Variants in SNX31 observed in about 807,000 individuals in gnomAD.
SNX31 encodes sorting nexin 31, also known as sorting nexin-31.
Under a neutral mutation model 65.4 loss-of-function variants are expected in SNX31, and 58 were observed. The observed-to-expected ratio is 0.89, with a 90% CI of 0.72 to 1.10. SNX31 has a LOEUF of 1.10. SNX31 is among the 50% of genes least tolerant of loss of function. The pLI is 0.00. For synonymous variants in SNX31, 181 were observed against 190.1 expected, an observed-to-expected ratio of 0.95 and a Z score of 0.39; for missense variants, 523 against 529.7, an observed-to-expected ratio of 0.99 and a Z score of 0.12.
intron 8 of SNX31, among the ~76,000 whole-genome samples, chr8:100,605,017 G>T (rs949526495): frequency 2.0e-5 from 3 of 152,084 alleles, no homozygotes; most frequent in Non-Finnish European, 4.4e-5. Flanking sequence ...TCCTGCCTCG[G>T]CCTCCCGAGT....
intron 11 of SNX31, among the ~76,000 whole-genome samples, chr8:100,586,365 T>C (rs1242211899): frequency 1.3e-5 from 2 of 152,248 alleles, no homozygotes; most frequent in African/African-American, 4.8e-5. Flanking sequence ...ATAAAAATTA[T>C]AATGTTTTTA....
chr8:100,657,393 G>A (rs1442417158), intron 1 of SNX31, among the ~76,000 whole-genome samples: 5 of 150,832 alleles, frequency 3.3e-5, no homozygotes, highest in South Asian at 2.1e-4. Context: ...CAGAGGTTGC[G>A]GTGAGCCAAG....
upstream of SNX31, among the ~76,000 whole-genome samples, chr8:100,652,088 C>T (rs1819984277): frequency 6.6e-6 from 1 of 152,176 alleles, no homozygotes; most frequent in South Asian, 2.1e-4. Context: ...ATGCCATTCT[C>T]CTGCCTCGGC....
rs530951447 is a variant in SNX31, at chr8:100,609,347, G to A, written c.612-784C>T. Among the ~76,000 whole-genome samples the A allele has an allele frequency of 2.6e-5, 4 of 152,230 alleles. No homozygotes were observed. Among genetic ancestry groups the A allele is most frequent in the Non-Finnish European group, 4.4e-5 (3 of 68,012 alleles). The stretch of plus-strand genomic sequence containing the variant: ...GCTGTATTAGCCGCCTGTCCACTGT[G>A]CTTCCTCTGCACCCTGAGTTTATTC... On this transcript the variant is annotated intron_variant, in intron 7 of 13. Coordinates refer to ENST00000311812, the MANE Select transcript of SNX31 (RefSeq NM_152628.4). This position sits in a 1 kb window ranked among gnomAD's most constrained non-coding sequence, Gnocchi z 4.9.
chr8:100,656,382 G>A (rs1820052139), intron 1 of SNX31, among the ~76,000 whole-genome samples: 1 of 149,742 alleles, frequency 6.7e-6, no homozygotes, highest in African/African-American at 2.5e-5. Context: ...ACTTACACCT[G>A]TAATTCCAGC....
intron 11 of SNX31, among the ~76,000 whole-genome samples, chr8:100,586,720 G>A (rs1034035688): frequency 9.2e-5 from 14 of 152,096 alleles, no homozygotes; most frequent in African/African-American, 3.1e-4. Flanking sequence ...GTTTTCAGAG[G>A]ACTTTGATAT....
At chr8:100,607,889 C>A (rs1336568889) in intron 8 of SNX31, among the ~76,000 whole-genome samples, 3 of 152,224 alleles carry the variant, frequency 2.0e-5, no homozygotes, top group Non-Finnish European at 4.4e-5. Context: ...AGCATGGGTT[C>A]TCTGAGCCCA....
upstream of SNX31, among the ~76,000 whole-genome samples, chr8:100,651,001 C>T (rs896273161): frequency 2.0e-5 from 3 of 152,020 alleles, no homozygotes; most frequent in South Asian, 2.1e-4. Context: ...TACAGGCATA[C>T]GCCACCACAC....
chr8:100,582,533 C>T (rs1429640712), intron 12 of SNX31: 2 of 152,002 alleles, frequency 1.3e-5, no homozygotes, highest in Admixed American at 6.6e-5. Flanking sequence ...AATTTATTTT[C>T]CCTGGAAAAG....
chr8:100,657,858 T>C, intron 1 of SNX31: 3 of 409,854 alleles, frequency 7.3e-6, no homozygotes, highest in South Asian at 5.1e-5. Flanking sequence ...GTGACAAAGG[T>C]AGACTCCATC....
At chr8:100,634,481 T>C (rs1818614538) in intron 3 of SNX31, among the ~76,000 whole-genome samples, 1 of 152,124 alleles carries the variant, frequency 6.6e-6, no homozygotes, top group Admixed American at 6.5e-5. Flanking sequence ...GCATGGTGGC[T>C]CACCCCTGTA....
chr8:100,659,870 T>G (rs929341566), intron 1 of SNX31, among the ~76,000 whole-genome samples: 2 of 150,558 alleles, frequency 1.3e-5, no homozygotes, highest in Non-Finnish European at 3.0e-5. Flanking sequence ...AGAGCTTTTG[T>G]TTTTTTTTCA....
At position 100,613,599 on chromosome 8, in the gene SNX31, T is replaced by A. The variant is rs2131044022; in HGVS notation, c.433-514A>T. On this transcript the variant is annotated intron_variant, in intron 5 of 13. Coordinates refer to ENST00000311812, the MANE Select transcript of SNX31 (RefSeq NM_152628.4). The surrounding 1 kb of genome is among the most constrained non-coding windows in gnomAD (Gnocchi z 5.2). Reference sequence around the variant, plus strand: ...CGCCAGGCCTGCTTCGCCTTGATGTTTCCTGCGATGGTCAACTGTAATTTA... The same window carrying A: ...CGCCAGGCCTGCTTCGCCTTGATGTATCCTGCGATGGTCAACTGTAATTTA... Among the ~76,000 whole-genome samples, 1 of 152,372 alleles carries A rather than the reference T, an allele frequency of 6.6e-6. No individual in the cohort carries two copies. The highest frequency in any genetic ancestry group is 1.9e-4 in the East Asian group (1 of 5,194).
At chr8:100,656,889 C>G (rs966236206) in intron 1 of SNX31, among the ~76,000 whole-genome samples, 1 of 151,984 alleles carries the variant, frequency 6.6e-6, no homozygotes. Context: ...TGGTTGCTGC[C>G]GACAATGATT....
Position 100,648,077 on chromosome 8 carries a change from TA to T in SNX31, c.141+1196del, listed in dbSNP as rs1381754578. On this transcript the variant is annotated intron_variant, in intron 2 of 13. Coordinates refer to ENST00000311812, the MANE Select transcript of SNX31 (RefSeq NM_152628.4). This position sits in a 1 kb window ranked among gnomAD's most constrained non-coding sequence, Gnocchi z 4.3. Reference sequence around the variant, plus strand: ...GTTCTTGGTTGACTCCAAAGATACTTAATCACACCTTGAAAATGGACTTTTC... The same window carrying T: ...GTTCTTGGTTGACTCCAAAGATACTTATCACACCTTGAAAATGGACTTTTC... 6.6e-6 allele frequency among the ~76,000 whole-genome samples: 1 copy of T among 152,240 alleles called. No homozygotes were observed. The highest frequency in any genetic ancestry group is 1.5e-5 in the Non-Finnish European group (1 of 68,038).
intron 13 of SNX31, among the ~76,000 whole-genome samples, chr8:100,574,404 C>A (rs1301211779): frequency 6.6e-6 from 1 of 152,106 alleles, no homozygotes; most frequent in African/African-American, 2.4e-5. Flanking sequence ...GAGGCCAAGG[C>A]GGGCAGATCA....
Position 100,625,070 on chromosome 8 carries a change from C to A in SNX31, c.321+5257G>T, listed in dbSNP as rs565101951. Among the ~76,000 whole-genome samples, 4 of 152,228 alleles carry A rather than the reference C, an allele frequency of 2.6e-5. No individual in the cohort carries two copies. Among genetic ancestry groups the A allele is most frequent in the Admixed American group, 2.0e-4 (3 of 15,272 alleles). On this transcript the variant is annotated intron_variant, in intron 4 of 13. Transcript: ENST00000311812. The surrounding 1 kb of genome is among the most constrained non-coding windows in gnomAD (Gnocchi z 4.2). ...AAGTAATTCTCCCACCTCAGCCCCC[C>A]AAAGTTCTGGGATTACAGGTGTGAG...
intron 8 of SNX31, among the ~76,000 whole-genome samples, chr8:100,607,192 C>A (rs1391032353): frequency 6.6e-6 from 1 of 152,160 alleles, no homozygotes; most frequent in African/African-American, 2.4e-5. Flanking sequence ...CTGCCTGCTG[C>A]CTGAGAATAG....
At position 100,655,973 on chromosome 8, in the gene SNX31, T is replaced by G. The variant is rs994978963; in HGVS notation, c.-58+7169A>C. Among the ~76,000 whole-genome samples the G allele has an allele frequency of 6.6e-5, 10 of 152,276 alleles. 1 individual carries two copies. In the South Asian group the frequency reaches 2.1e-3, roughly 32 times the overall value. ...AGAAAAGATGGTAGAACATGAGTCT[T>G]GTAAAGTGCTCCTCAAAAACTGGGT... On this transcript the variant is annotated intron_variant, in intron 1 of 5. Transcript: ENST00000520352.
Sources: gnomAD v4.1 joint callset for allele counts (sites outside exome capture counted in the v4.1 genomes callset) on GRCh38, gnomAD v4.1.1 for gene constraint, Gnocchi (gnomAD v3.1) non-coding constraint, MANE v1.5 for transcripts, NCBI Gene and HGNC (gene_info 2026-07-23, HGNC 2026-07-21) for gene names.